ADO: variants seen among roughly 807,000 people sequenced by gnomAD.
ADO encodes the protein 2-aminoethanethiol dioxygenase.
In ADO, 9 loss-of-function variants were observed where a neutral mutation model predicts 16.6. That is an observed-to-expected ratio of 0.54 (90% CI 0.33 to 0.95). ADO has a LOEUF of 0.95. Among genes scored for constraint, ADO ranks in the 40% least tolerant of loss-of-function variants. The probability of loss-of-function intolerance (pLI) is 0.03; values close to 1 mark genes in which losing one functional copy is unlikely to be tolerated. For synonymous variants in ADO, 189 were observed against 179.6 expected, an observed-to-expected ratio of 1.05 and a Z score of -0.42; for missense variants, 356 against 386.4, an observed-to-expected ratio of 0.92 and a Z score of 0.66.
chr10:62,804,885 CA>C lies in ADO; in HGVS notation c.-174del. On this transcript the variant is annotated 5_prime_UTR_variant, in exon 1 of 1. Coordinates refer to ENST00000373783, the MANE Select transcript of ADO (RefSeq NM_032804.6). ...GGGGGCTCAAGGCGAGCGCGCCGGG[CA>C]GTTGCGGGCGCGTGGCTGCTGAGGT... 3 of 447,732 alleles carry C rather than the reference CA, an allele frequency of 6.7e-6. No individual in the cohort carries two copies. Among genetic ancestry groups the C allele is most frequent in the Non-Finnish European group, 1.0e-5 (3 of 288,718 alleles). 27.7% of individuals were successfully genotyped at this position (447,732 alleles called of 1,614,324 possible).
rs952897960 is a variant in ADO, at chr10:62,804,938, G to A, written c.-122G>A. 16 of 945,688 alleles carry A rather than the reference G, an allele frequency of 1.7e-5. No homozygotes were observed. In the African/African-American group the frequency reaches 2.4e-4, roughly 14 times the overall value. The allele number at this position is 945,688 out of a possible 1,614,324, so 58.6% of individuals were successfully genotyped here. A position where few individuals can be genotyped will look rare whatever the true frequency, so the allele number is the denominator to read the frequency against. On this transcript the variant is annotated 5_prime_UTR_variant, in exon 1 of 1. Coordinates refer to ENST00000373783, the MANE Select transcript of ADO (RefSeq NM_032804.6). ...GGCGGCGGTGCCGCGCGCCCGACGG[G>A]CCGGTGGTTGCGGGGCCTCCCGCCT...
Position 62,804,983 on chromosome 10 carries a change from C to A in ADO, c.-77C>A, listed in dbSNP as rs1842033103. 1 of 1,322,714 alleles carries A rather than the reference C, an allele frequency of 7.6e-7. No homozygotes were observed. The highest frequency in any genetic ancestry group is 1.9e-5 in the South Asian group (1 of 53,856). 81.9% of individuals were successfully genotyped at this position (1,322,714 alleles called of 1,614,324 possible). A position where few individuals can be genotyped will look rare whatever the true frequency, so the allele number is the denominator to read the frequency against. On this transcript the variant is annotated 5_prime_UTR_variant, in exon 1 of 1. Coordinates refer to ENST00000373783, the MANE Select transcript of ADO (RefSeq NM_032804.6). ...CCGCCTCGACCCGGGCTGGGGGCAG[C>A]CGTGGCGGCCGCCGGGGACCGCAAG...
Position 62,805,482 on chromosome 10 carries a change from G to A in ADO, c.423G>A (p.Gly141=), listed in dbSNP as rs771152092. Residue 141 remains glycine, a synonymous_variant, in exon 1 of 1, where the codon GGG becomes GGA. Coordinates refer to ENST00000373783, the MANE Select transcript of ADO (RefSeq NM_032804.6). This position sits in a 1 kb window ranked among gnomAD's most constrained non-coding sequence, Gnocchi z 6.4. Reference sequence around the variant, plus strand: ...TGGACAAGCTAGACGCGGGCGGCGGGCAACGGCCGCGGGCCTTGCCGCCCG... The same window carrying A: ...TGGACAAGCTAGACGCGGGCGGCGGACAACGGCCGCGGGCCTTGCCGCCCG... ...SCMDKLDAGG[G]QRPRALPPEQ... 53 of 1,537,782 alleles carry A rather than the reference G, an allele frequency of 3.4e-5. No homozygotes were observed. Among genetic ancestry groups the A allele is most frequent in the Admixed American group, 3.0e-4 (15 of 50,496 alleles).
rs1227384633 is a variant in ADO, at chr10:62,806,336, A to G, written c.*464A>G. On this transcript the variant is annotated 3_prime_UTR_variant, in exon 1 of 1. Coordinates refer to ENST00000373783, the MANE Select transcript of ADO (RefSeq NM_032804.6). Reference sequence around the variant, plus strand: ...TGACCCAGTGGTTTGAATTGTTTTTAGTTCAAGTCATTGGTAAAAACTAGG... The same window carrying G: ...TGACCCAGTGGTTTGAATTGTTTTTGGTTCAAGTCATTGGTAAAAACTAGG... 5.9e-6 allele frequency: 1 copy of G among 168,190 alleles called. No individual in the cohort carries two copies. Among genetic ancestry groups the G allele is most frequent in the Non-Finnish European group, 1.5e-5 (1 of 68,894 alleles). 10.4% of individuals were successfully genotyped at this position (168,190 alleles called of 1,614,324 possible).
In ADO at chr10:62,804,926, C is replaced by A; in HGVS notation, c.-134C>A. On this transcript the variant is annotated 5_prime_UTR_variant, in exon 1 of 1. Transcript: ENST00000373783. Reference sequence around the variant, plus strand: ...GCTGCTGAGGTTGGCGGCGGTGCCGCGCGCCCGACGGGCCGGTGGTTGCGG... The same window carrying A: ...GCTGCTGAGGTTGGCGGCGGTGCCGAGCGCCCGACGGGCCGGTGGTTGCGG... 1.2e-6 allele frequency: 1 copy of A among 829,924 alleles called. No homozygotes were observed. Among genetic ancestry groups the A allele is most frequent in the Non-Finnish European group, 1.6e-6 (1 of 624,772 alleles). 51.4% of individuals were successfully genotyped at this position (829,924 alleles called of 1,614,324 possible). A position where few individuals can be genotyped will look rare whatever the true frequency, so the allele number is the denominator to read the frequency against.
rs1842054546 is a variant in ADO at position 62,806,496 on chromosome 10, T to G, written c.*624T>G. On this transcript the variant is annotated 3_prime_UTR_variant, in exon 1 of 1. Coordinates refer to ENST00000373783, the MANE Select transcript of ADO (RefSeq NM_032804.6). The stretch of plus-strand genomic sequence containing the variant: ...ATGTAGAGGACAAGATTTATTTTCT[T>G]TCCTCCCTTTGCCCAGTAGCCACAT... The G allele has an allele frequency of 1.2e-5, 2 of 167,266 alleles. No homozygotes were observed. Among genetic ancestry groups the G allele is most frequent in the African/African-American group, 4.8e-5 (2 of 41,458 alleles). 10.4% of individuals were successfully genotyped at this position (167,266 alleles called of 1,614,324 possible). A position where few individuals can be genotyped will look rare whatever the true frequency, so the allele number is the denominator to read the frequency against.
In ADO at chr10:62,805,100, C is replaced by T. The variant is rs1189872724; in HGVS notation, c.41C>T (p.Ala14Val). The change falls in exon 1 of 1, where the codon GCC (alanine) becomes GTC (valine). Residue 14 changes from alanine to valine, a missense_variant. By Grantham distance (64) the Ala-to-Val change is moderately conservative. Transcript: ENST00000373783. This position sits in a 1 kb window ranked among gnomAD's most constrained non-coding sequence, Gnocchi z 6.4. ...DNMASLIQRI[A>V]RQACLTFRGS... ...ATGGCCTCCTTGATCCAACGGATCG[C>T]CCGCCAGGCTTGCCTCACCTTCCGG... 8 of 1,530,786 alleles carry T rather than the reference C, an allele frequency of 5.2e-6. No homozygotes were observed. Among genetic ancestry groups the T allele is most frequent in the Non-Finnish European group, 7.0e-6 (8 of 1,144,900 alleles). The allele number at this position is 1,530,786 out of a possible 1,614,324, so 94.8% of individuals were successfully genotyped here. A position where few individuals can be genotyped will look rare whatever the true frequency, so the allele number is the denominator to read the frequency against.
In ADO at chr10:62,805,513, C is replaced by T; in HGVS notation, c.454C>T (p.Gln152Ter). The stretch of plus-strand genomic sequence containing the variant: ...GCCGCGGGCCTTGCCGCCCGAGCAG[C>T]AGTTCGAGCCGCCGCTGCAGCCCCG... ...QRPRALPPEQ[Q>*]FEPPLQPRER... The change falls in exon 1 of 1, where the codon CAG becomes TAG. Residue 152 changes from glutamine to a stop codon, truncating the protein, a stop_gained. Transcript: ENST00000373783. LOFTEE classifies it high-confidence loss of function. The surrounding 1 kb of genome is among the most constrained non-coding windows in gnomAD (Gnocchi z 6.4). 6.5e-7 allele frequency: 1 copy of T among 1,538,546 alleles called. No individual in the cohort carries two copies. Among genetic ancestry groups the T allele is most frequent in the Non-Finnish European group, 8.7e-7 (1 of 1,145,002 alleles).
In ADO at chr10:62,805,944, C is replaced by CT. The variant is rs1481633290; in HGVS notation, c.*73dup. The stretch of plus-strand genomic sequence containing the variant: ...ACCACAAGGGCTGTGTCTCTACCCC[C>CT]TAGCCTGGGCGTTGGATCTACTGGA... On this transcript the variant is annotated 3_prime_UTR_variant, in exon 1 of 1. Transcript: ENST00000373783. This position sits in a 1 kb window ranked among gnomAD's most constrained non-coding sequence, Gnocchi z 6.4. 4 of 1,342,084 alleles carry CT rather than the reference C, an allele frequency of 3.0e-6. No homozygotes were observed. Among genetic ancestry groups the CT allele is most frequent in the Non-Finnish European group, 2.0e-6 (2 of 1,023,760 alleles). The allele number at this position is 1,342,084 out of a possible 1,614,324, so 83.1% of individuals were successfully genotyped here. A position where few individuals can be genotyped will look rare whatever the true frequency, so the allele number is the denominator to read the frequency against.
rs960349126 is a variant in ADO, at chr10:62,804,941, G to C, written c.-119G>C. 5 of 968,176 alleles carry C rather than the reference G, an allele frequency of 5.2e-6. No homozygotes were observed. The highest frequency in any genetic ancestry group is 1.7e-5 in the African/African-American group (1 of 58,580). The allele number at this position is 968,176 out of a possible 1,614,324, so 60.0% of individuals were successfully genotyped here. A position where few individuals can be genotyped will look rare whatever the true frequency, so the allele number is the denominator to read the frequency against. On this transcript the variant is annotated 5_prime_UTR_variant, in exon 1 of 1. Coordinates refer to ENST00000373783, the MANE Select transcript of ADO (RefSeq NM_032804.6). The stretch of plus-strand genomic sequence containing the variant: ...GGCGGTGCCGCGCGCCCGACGGGCC[G>C]GTGGTTGCGGGGCCTCCCGCCTCGA...
Position 62,805,533 on chromosome 10 carries a change from G to A in ADO, c.474G>A (p.Gln158=). Residue 158 remains glutamine (Q), a synonymous_variant, in exon 1 of 1, where the codon CAG becomes CAA. Coordinates refer to ENST00000373783, the MANE Select transcript of ADO (RefSeq NM_032804.6). The surrounding 1 kb of genome is among the most constrained non-coding windows in gnomAD (Gnocchi z 6.4). The stretch of plus-strand genomic sequence containing the variant: ...AGCAGCAGTTCGAGCCGCCGCTGCA[G>A]CCCCGGGAGCGAGAAGCCGTGCGGC... ...PPEQQFEPPL[Q]PREREAVRPG... The A allele has an allele frequency of 1.3e-6, 2 of 1,545,862 alleles. No individual in the cohort carries two copies. The highest frequency in any genetic ancestry group is 1.4e-5 in the African/African-American group (1 of 72,728).
rs763318320 is a variant in ADO, at chr10:62,805,048, G to A, written c.-12G>A. 4.1e-6 allele frequency: 6 copies of A among 1,460,552 alleles called. No homozygotes were observed. The Admixed American group carries it at 1.6e-4, about 40-fold the overall frequency. 90.5% of individuals were successfully genotyped at this position (1,460,552 alleles called of 1,614,324 possible). ...AGGGGGCCGGTCCCGGCACGCAGAG[G>A]AGCAGCCGACCATGCCCCGAGACAA... On this transcript the variant is annotated 5_prime_UTR_variant, in exon 1 of 1. Transcript: ENST00000373783. This position sits in a 1 kb window ranked among gnomAD's most constrained non-coding sequence, Gnocchi z 6.4.
At position 62,805,825 on chromosome 10, in the gene ADO, T is replaced by G; in HGVS notation, c.766T>G (p.Phe256Val). The change falls in exon 1 of 1, where the codon TTC (phenylalanine) becomes GTC (valine). Residue 256 changes from phenylalanine to valine, a missense_variant. Phe to Val is a conservative substitution (Grantham distance 50). Coordinates refer to ENST00000373783, the MANE Select transcript of ADO (RefSeq NM_032804.6). The surrounding 1 kb of genome is among the most constrained non-coding windows in gnomAD (Gnocchi z 6.4). ...WLLETPQADDFWCEGEPYPGP... is the reference protein window; with the variant it reads ...WLLETPQADDVWCEGEPYPGP... The stretch of plus-strand genomic sequence containing the variant: ...CCTGGAGACCCCACAGGCCGATGAC[T>G]TCTGGTGCGAGGGAGAACCCTATCC... 1 of 1,569,208 alleles carries G rather than the reference T, an allele frequency of 6.4e-7. No homozygotes were observed. The highest frequency in any genetic ancestry group is 8.6e-7 in the Non-Finnish European group (1 of 1,157,632).
chr10:62,805,401 C>T lies in ADO; in HGVS notation c.342C>T (p.His114=), dbSNP rs763957254. The change falls in exon 1 of 1, where the codon CAC becomes CAT. Residue 114 remains histidine (H), a synonymous_variant. Transcript: ENST00000373783. This position sits in a 1 kb window ranked among gnomAD's most constrained non-coding sequence, Gnocchi z 6.4. ...GCACGTCCATCCCGCTGCACGACCA[C>T]CCGGGCATGCACGGCATGCTCAAGG... ...KSGTSIPLHD[H]PGMHGMLKVL... 3.1e-6 allele frequency: 5 copies of T among 1,587,650 alleles called. No individual in the cohort carries two copies. The highest frequency in any genetic ancestry group is 2.3e-5 in the East Asian group (1 of 43,662).
chr10:62,805,189 C>T lies in ADO; in HGVS notation c.130C>T (p.Gln44Ter). ...GGCTTCTGGCCCGGAGGCGCCGATGCAGCCGGGCTTCCCCGAGAACCTGAG... is the reference window on the plus strand; with the variant it reads ...GGCTTCTGGCCCGGAGGCGCCGATGTAGCCGGGCTTCCCCGAGAACCTGAG... The part of the protein sequence containing the change: ...DAASGPEAPM[Q>*]PGFPENLSKL... Residue 44 changes from glutamine (Q) to a stop codon, truncating the protein, a stop_gained, in exon 1 of 1, where the codon CAG becomes TAG. Coordinates refer to ENST00000373783, the MANE Select transcript of ADO (RefSeq NM_032804.6). LOFTEE classifies it high-confidence loss of function. The surrounding 1 kb of genome is among the most constrained non-coding windows in gnomAD (Gnocchi z 6.4). 1 of 1,601,692 alleles carries T rather than the reference C, an allele frequency of 6.2e-7. No homozygotes were observed. The highest frequency in any genetic ancestry group is 8.5e-7 in the Non-Finnish European group (1 of 1,177,192).
rs997612411 is a variant in ADO, at chr10:62,807,960, G to A, written c.*2088G>A. 1.2e-5 allele frequency: 2 copies of A among 166,914 alleles called. No individual in the cohort carries two copies. The highest frequency in any genetic ancestry group is 2.4e-5 in the African/African-American group (1 of 41,420). The allele number at this position is 166,914 out of a possible 1,614,324, so 10.3% of individuals were successfully genotyped here. ...ATACAACTTAGTACATTAAAGCTAC[G>A]AAAACTCATCCTGGCTGTAGGATAG... On this transcript the variant is annotated 3_prime_UTR_variant, in exon 1 of 1. Coordinates refer to ENST00000373783, the MANE Select transcript of ADO (RefSeq NM_032804.6).
In ADO at chr10:62,805,172, G is replaced by T. The variant is rs1432034736; in HGVS notation, c.113G>T (p.Gly38Val). Residue 38 changes from glycine (G) to valine (V), a missense_variant, in exon 1 of 1, where the codon GGC becomes GTC. Gly to Val is a moderately radical substitution (Grantham distance 109, BLOSUM62 -3). Transcript: ENST00000373783. This position sits in a 1 kb window ranked among gnomAD's most constrained non-coding sequence, Gnocchi z 6.4. ...GCTTCCGATCGCGACGCGGCTTCTGGCCCGGAGGCGCCGATGCAGCCGGGC... is the reference window on the plus strand; with the variant it reads ...GCTTCCGATCGCGACGCGGCTTCTGTCCCGGAGGCGCCGATGCAGCCGGGC... ...RGASDRDAAS[G>V]PEAPMQPGFP... 6.3e-7 allele frequency: 1 copy of T among 1,599,352 alleles called. No homozygotes were observed. The highest frequency in any genetic ancestry group is 1.3e-5 in the African/African-American group (1 of 74,108).
Position 62,805,926 on chromosome 10 carries a change from G to T in ADO, c.*54G>T. ...GAAGACGTGCCCTACCCTACCACAA[G>T]GGCTGTGTCTCTACCCCCTAGCCTG... On this transcript the variant is annotated 3_prime_UTR_variant, in exon 1 of 1. Coordinates refer to ENST00000373783, the MANE Select transcript of ADO (RefSeq NM_032804.6). The surrounding 1 kb of genome is among the most constrained non-coding windows in gnomAD (Gnocchi z 6.4). 7.1e-7 allele frequency: 1 copy of T among 1,411,222 alleles called. No individual in the cohort carries two copies. The highest frequency in any genetic ancestry group is 1.5e-5 in the South Asian group (1 of 65,718). 87.4% of individuals were successfully genotyped at this position (1,411,222 alleles called of 1,614,324 possible).
In ADO at chr10:62,804,958, C is replaced by T. The variant is rs1368845288; in HGVS notation, c.-102C>T. On this transcript the variant is annotated 5_prime_UTR_variant, in exon 1 of 1. Transcript: ENST00000373783. ...GACGGGCCGGTGGTTGCGGGGCCTC[C>T]CGCCTCGACCCGGGCTGGGGGCAGC... The T allele has an allele frequency of 7.8e-6, 9 of 1,156,960 alleles. 1 individual carries two copies. Among genetic ancestry groups the T allele is most frequent in the Non-Finnish European group, 9.9e-6 (9 of 906,762 alleles). 71.7% of individuals were successfully genotyped at this position (1,156,960 alleles called of 1,614,324 possible). A position where few individuals can be genotyped will look rare whatever the true frequency, so the allele number is the denominator to read the frequency against.
Sources: allele counts gnomAD v4.1 joint callset, GRCh38; gene constraint gnomAD v4.1.1; non-coding constraint Gnocchi (gnomAD v3.1); transcripts MANE v1.5; gene names NCBI Gene and HGNC (gene_info 2026-07-23, HGNC 2026-07-21).